The following ZNF345 variants were observed in gnomAD, a reference collection of about 807,000 sequenced individuals.
ZNF345 encodes zinc finger protein HZF10.
For synonymous variants in ZNF345, 166 were observed against 187.9 expected (o/e 0.88, Z 0.95); for missense variants, 527 against 589.9 (o/e 0.89, Z 1.10).
rs75205262 is a variant in ZNF345 at position 36,861,622 on chromosome 19, G to A, written c.-47+9718G>A. Among the ~76,000 whole-genome samples the A allele has an allele frequency of 5.5e-3, 835 of 151,886 alleles. 21 individuals carry two copies. The highest frequency in any genetic ancestry group is 0.039 in the Admixed American group (592 of 15,256). On this transcript the variant is annotated intron_variant, in intron 2 of 2. Coordinates refer to ENST00000420450, the MANE Select transcript of ZNF345 (RefSeq NM_001242472.2). Reference sequence around the variant, plus strand: ...TATCACCAGGCTGAAGTGCAGTGGCGTGATCTCCGCTCACTGCAACCTCTG... The same window carrying A: ...TATCACCAGGCTGAAGTGCAGTGGCATGATCTCCGCTCACTGCAACCTCTG...
intron 2 of ZNF345, among the ~76,000 whole-genome samples, chr19:36,870,088 T>C (rs578699): frequency 0.26 from 38,822 of 152,040 alleles, 7,326 homozygotes; most frequent in African/African-American, 0.53. Context: ...GCCCATTTAG[T>C]TTTTTATTAA....
At chr19:36,853,245 CTTT>C (rs902150512) in intron 2 of ZNF345, among the ~76,000 whole-genome samples, 2 of 106,526 alleles carry the variant, frequency 1.9e-5, no homozygotes, top group Non-Finnish European at 3.9e-5. Flanking sequence ...TTCTTTCTTT[CTTT>C]TTTTTTTTTT....
chr19:36,859,307 C>T (rs550106328), intron 2 of ZNF345, among the ~76,000 whole-genome samples: 30 of 151,906 alleles, frequency 2.0e-4, no homozygotes, highest in South Asian at 1.2e-3. Context: ...AGGCATGCAC[C>T]GCCACACCCA....
At chr19:36,892,431 CTTTAGAGATAATATTTTG>C (rs745709351) in intron 3 of ZNF345, 93 of 1,602,808 alleles carry the variant, frequency 5.8e-5, no homozygotes, top group Non-Finnish European at 7.6e-5. Context: ...AATGTCTCTT[CTTTAGAGATAATATTTTG>C]GTCTCACACA....
chr19:36,892,905 C>T (rs1405343962), exon 4 of ZNF345: 3 of 1,146,154 alleles, frequency 2.6e-6, no homozygotes, highest in Non-Finnish European at 3.3e-6. Context: ...ATCAGCATGC[C>T]CAGGCAGGGG....
intron 2 of ZNF345, 86 bp downstream of exon 2, chr19:36,851,990 C>T (rs185228408): frequency 6.6e-6 from 1 of 152,224 alleles, no homozygotes; most frequent in Admixed American, 6.5e-5. Context: ...AAATTCTTGC[C>T]TATGAGATGA....
intron 3 of ZNF345, chr19:36,892,197 G>T (rs776456815): frequency 1.2e-6 from 2 of 1,613,942 alleles, no homozygotes; most frequent in African/African-American, 2.7e-5. Context: ...GTCGAGTAAC[G>T]AGTGAGCCAC....
chr19:36,874,478 G>A (rs374958945), intron 2 of ZNF345, among the ~76,000 whole-genome samples: 4 of 140,588 alleles, frequency 2.8e-5, no homozygotes, highest in African/African-American at 1.1e-4. Flanking sequence ...TGGGTGACAC[G>A]AGTGAAACTC....
intron 3 of ZNF345, among the ~76,000 whole-genome samples, chr19:36,887,747 A>AT (rs2073011276): frequency 6.6e-6 from 1 of 152,140 alleles, no homozygotes; most frequent in African/African-American, 2.4e-5. Context: ...ACTCAGAATC[A>AT]TTTTGGTCCT....
intron 2 of ZNF345, among the ~76,000 whole-genome samples, chr19:36,863,706 C>T (rs2072602610): frequency 6.6e-6 from 1 of 152,206 alleles, no homozygotes; most frequent in African/African-American, 2.4e-5. Context: ...CAGATTGTGA[C>T]TTGAACTGAG....
rs1335886607 is a variant in ZNF345, at chr19:36,877,438, A to G, written c.608A>G (p.Glu203Gly). The G allele has an allele frequency of 6.2e-7, 1 of 1,613,954 alleles. No homozygotes were observed. The highest frequency in any genetic ancestry group is 8.5e-7 in the Non-Finnish European group (1 of 1,179,972). Residue 203 changes from glutamate (E) to glycine (G), a missense_variant, in exon 3 of 3, where the codon GAA (glutamate) becomes GGA (glycine). Glu to Gly is a moderately conservative substitution (Grantham distance 98). Transcript: ENST00000420450. ...ATTCACACAGGTGAGAAACCTTATG[A>G]ATGTATAGATTGTGGTAAAGCCTTT... ...HRIHTGEKPYECIDCGKAFGS... is the reference protein window; with the variant it reads ...HRIHTGEKPYGCIDCGKAFGS...
chr19:36,874,274 A>T (rs2072832382), intron 2 of ZNF345, among the ~76,000 whole-genome samples: 1 of 152,140 alleles, frequency 6.6e-6, no homozygotes, highest in Admixed American at 6.6e-5. Flanking sequence ...CAGGTGGATC[A>T]CTTGAGGTCA....
At chr19:36,854,054 C>A (rs2072349274) in intron 2 of ZNF345, among the ~76,000 whole-genome samples, 1 of 152,080 alleles carries the variant, frequency 6.6e-6, no homozygotes, top group African/African-American at 2.4e-5. Context: ...ATAACATGAG[C>A]CTCTCAGTGG....
At chr19:36,873,977 AT>A (rs1312928260) in intron 2 of ZNF345, among the ~76,000 whole-genome samples, 2 of 152,116 alleles carry the variant, frequency 1.3e-5, no homozygotes, top group Non-Finnish European at 2.9e-5. Context: ...TCTATTTGTA[AT>A]TTAGAGTGGG....
rs1327600055 is a variant in ZNF345 at position 36,877,315 on chromosome 19, T to G, written c.485T>G (p.Ile162Ser). The G allele has an allele frequency of 1.2e-6, 2 of 1,613,748 alleles. No homozygotes were observed. The highest frequency in any genetic ancestry group is 1.7e-6 in the Non-Finnish European group (2 of 1,179,940). Residue 162 changes from isoleucine to serine, a missense_variant, in exon 3 of 3, where the codon ATT (isoleucine) becomes AGT (serine). Transcript: ENST00000420450. The stretch of plus-strand genomic sequence containing the variant: ...GCCTTTAGTTTTGGATCAGGCCTTA[T>G]TCGACATCAGATCATTCACAGTGGT... ...GKAFSFGSGLIRHQIIHSGEK... is the reference protein window; with the variant it reads ...GKAFSFGSGLSRHQIIHSGEK...
chr19:36,878,047 C>T lies in ZNF345; in HGVS notation c.1217C>T (p.Ser406Phe). The T allele has an allele frequency of 3.1e-6, 5 of 1,613,888 alleles. No individual in the cohort carries two copies. Among genetic ancestry groups the T allele is most frequent in the East Asian group, 2.2e-5 (1 of 44,820 alleles). ...RPYECKECGKSFSSGSALNRH... is the reference protein window; with the variant it reads ...RPYECKECGKFFSSGSALNRH... ...TATGAATGTAAAGAATGTGGAAAGT[C>T]CTTTAGTAGTGGTTCAGCTCTTAAT... The change falls in exon 3 of 3, where the codon TCC becomes TTC. Residue 406 changes from serine to phenylalanine, a missense_variant. Ser to Phe is a radical substitution (Grantham distance 155). Transcript: ENST00000420450.
chr19:36,860,079 T>C (rs1022083556), intron 2 of ZNF345, among the ~76,000 whole-genome samples: 34 of 152,102 alleles, frequency 2.2e-4, no homozygotes, highest in African/African-American at 8.0e-4. Flanking sequence ...TGCCTCAGCC[T>C]CCCGAGTAGC....
downstream of ZNF345, among the ~76,000 whole-genome samples, chr19:36,882,267 C>T (rs1400905908): frequency 6.6e-6 from 1 of 151,826 alleles, no homozygotes; most frequent in Non-Finnish European, 1.5e-5. Context: ...ATCTGGGGCC[C>T]ATGGTTTTTT....
At chr19:36,873,572 T>C (rs2072814536) in intron 2 of ZNF345, among the ~76,000 whole-genome samples, 1 of 152,180 alleles carries the variant, frequency 6.6e-6, no homozygotes, top group Non-Finnish European at 1.5e-5. Flanking sequence ...ATGTTGTACA[T>C]TGGATCTCTA....
Sources: allele counts gnomAD v4.1 joint callset (sites outside exome capture counted in the v4.1 genomes callset), GRCh38; gene constraint gnomAD v4.1.1; transcripts MANE v1.5; gene names NCBI Gene and HGNC (gene_info 2026-07-23, HGNC 2026-07-21).